The following RBBP6 variants were observed in gnomAD, a reference collection of about 807,000 sequenced individuals.
RBBP6 encodes the protein E3 ubiquitin-protein ligase RBBP6.
RBBP6 carries 25 observed loss-of-function variants against 167.7 expected under a neutral mutation model. The ratio of observed to expected loss-of-function variants is 0.15; its 90% CI spans 0.11 to 0.21. The LOEUF is 0.21. Ranked by LOEUF, RBBP6 falls within the 10% of genes least tolerant of loss-of-function variation. The pLI, the probability that RBBP6 is intolerant of heterozygous loss-of-function variation, is 1.00. For synonymous variants in RBBP6, 789 were observed against 735.8 expected (o/e 1.07, Z -1.17); for missense variants, 1,868 against 2,134.2 (o/e 0.88, Z 2.46).
chr16:24,560,903 C>T (rs998594994), intron 8 of RBBP6, among the ~76,000 whole-genome samples: 4 of 152,078 alleles, frequency 2.6e-5, no homozygotes, highest in African/African-American at 9.7e-5. Context: ...CCTTTGGATA[C>T]CTGTAAATCT....
rs1567282520 is a variant in RBBP6 at position 24,571,919 on chromosome 16, T to C, written c.4853T>C (p.Leu1618Ser). Residue 1618 changes from leucine (L) to serine (S), a missense_variant, in exon 18 of 18, where the codon TTA becomes TCA. Physicochemically the swap from Leu to Ser is moderately radical, Grantham distance 145. This residue lies in a region of RBBP6 where 591 missense variants were observed against 540.5 expected (regional missense o/e 1.09). Transcript: ENST00000319715. ...AGTACTGTCAAGCCTAAACCCCAGT[T>C]AAGTCATTCCTCTAGACTTTCCTCT... ...DKSTVKPKPQ[L>S]SHSSRLSSDL... The C allele has an allele frequency of 6.2e-7, 1 of 1,614,120 alleles. No individual in the cohort carries two copies. Among genetic ancestry groups the C allele is most frequent in the East Asian group, 2.2e-5 (1 of 44,872 alleles).
Position 24,563,259 on chromosome 16 carries a change from C to G in RBBP6, c.1350C>G (p.Thr450=). The part of the protein sequence containing the change: ...AALASEHSKG[T]SSIAITALME... ...TTGCATCAGAGCACTCAAAGGGAAC[C>G]TCCTCAATTGCAATTACCGCTCTTA... Residue 450 remains threonine, a synonymous_variant, in exon 11 of 18, where the codon ACC becomes ACG. Coordinates refer to ENST00000319715, the MANE Select transcript of RBBP6 (RefSeq NM_006910.5). 1 of 1,611,456 alleles carries G rather than the reference C, an allele frequency of 6.2e-7. No individual in the cohort carries two copies. Among genetic ancestry groups the G allele is most frequent in the Non-Finnish European group, 8.5e-7 (1 of 1,178,798 alleles).
rs139527300 is a variant in RBBP6, at chr16:24,568,977, T to C, written c.2287T>C (p.Tyr763His). 2.0e-4 allele frequency: 318 copies of C among 1,614,006 alleles called. 1 individual carries two copies. The highest frequency in any genetic ancestry group is 2.6e-4 in the Non-Finnish European group (302 of 1,179,970). ...TCGATCTAGGTCAAGGTCACCCCCT[T>C]ACAGACGCTATCATTCACGATCAAG... ...YHRSRSRSPP[Y>H]RRYHSRSRSP... is the part of the protein sequence containing the mutation. The change falls in exon 17 of 18, where the codon TAC (tyrosine) becomes CAC (histidine). Residue 763 changes from tyrosine (Y) to histidine (H), a missense_variant. Physicochemically the swap from Tyr to His is moderately conservative, Grantham distance 83. This residue lies in a region of RBBP6 where 673 missense variants were observed against 691.5 expected (regional missense o/e 0.97). Transcript: ENST00000319715.
chr16:24,570,769 A>G (rs1365951083), intron 17 of RBBP6, 107 bp from the exon 18 acceptor site: 2 of 1,020,258 alleles, frequency 2.0e-6, no homozygotes, highest in African/African-American at 1.7e-5. Flanking sequence ...GTTTTTTTTA[A>G]TGTTAAAAGG....
Position 24,539,868 on chromosome 16 carries a change from G to C in RBBP6, c.-759G>C, listed in dbSNP as rs1397265570. The C allele has an allele frequency of 6.5e-6, 1 of 152,790 alleles. No homozygotes were observed. The highest frequency in any genetic ancestry group is 1.5e-5 in the Non-Finnish European group (1 of 68,026). 9.5% of individuals were successfully genotyped at this position (152,790 alleles called of 1,614,324 possible). The stretch of plus-strand genomic sequence containing the variant: ...CGCCGGCTGGGGCCCGGGGTGGTGA[G>C]GAAGTGCTCCGAGGCCTCGCCGAGG... On this transcript the variant is annotated 5_prime_UTR_variant, in exon 1 of 18. Coordinates refer to ENST00000319715, the MANE Select transcript of RBBP6 (RefSeq NM_006910.5).
chr16:24,561,481 G>C, intron 8 of RBBP6, 131 bp from the exon 9 acceptor site: 3 of 745,340 alleles, frequency 4.0e-6, no homozygotes, highest in Non-Finnish European at 4.4e-6. Flanking sequence ...CTTAATCTAA[G>C]AAATGATTAG....
At position 24,572,460 on chromosome 16, in the gene RBBP6, TA is replaced by T. The variant is rs756966108; in HGVS notation, c.*18del. The stretch of plus-strand genomic sequence containing the variant: ...TCACTGTGTAAAAAGACAGATTTTT[TA>T]AATTGACTTAATTACTAAGTCATCT... On this transcript the variant is annotated 3_prime_UTR_variant, in exon 18 of 18. Coordinates refer to ENST00000319715, the MANE Select transcript of RBBP6 (RefSeq NM_006910.5). 1.3e-6 allele frequency: 2 copies of T among 1,508,930 alleles called. 1 individual carries two copies. The highest frequency in any genetic ancestry group is 2.8e-5 in the African/African-American group (2 of 70,500). The allele number at this position is 1,508,930 out of a possible 1,614,324, so 93.5% of individuals were successfully genotyped here.
chr16:24,569,272 C>G lies in RBBP6; in HGVS notation c.2582C>G (p.Ser861Cys), dbSNP rs1899267288. Reference protein sequence around the residue: ...PRPSANRENFSPERFLPLNIR... With the variant: ...PRPSANRENFCPERFLPLNIR... ...CCCTCAGCAAATAGAGAGAACTTTT[C>G]TCCAGAGAGATTTTTGCCACTTAAC... The change falls in exon 17 of 18, where the codon TCT becomes TGT. Residue 861 changes from serine to cysteine, a missense_variant. This residue lies in a region of RBBP6 where 673 missense variants were observed against 691.5 expected (regional missense o/e 0.97). Coordinates refer to ENST00000319715, the MANE Select transcript of RBBP6 (RefSeq NM_006910.5). 1 of 1,612,188 alleles carries G rather than the reference C, an allele frequency of 6.2e-7. No individual in the cohort carries two copies. The highest frequency in any genetic ancestry group is 8.5e-7 in the Non-Finnish European group (1 of 1,179,632).
chr16:24,542,150 C>A (rs1488304559), intron 1 of RBBP6, among the ~76,000 whole-genome samples: 1 of 152,122 alleles, frequency 6.6e-6, no homozygotes, highest in Non-Finnish European at 1.5e-5. Flanking sequence ...AATCCTCTGC[C>A]TAAGGAGAGG....
chr16:24,556,994 C>T (rs1898926002), intron 7 of RBBP6, among the ~76,000 whole-genome samples: 1 of 121,794 alleles, frequency 8.2e-6, no homozygotes, highest in Non-Finnish European at 1.7e-5. Flanking sequence ...CACCTTAATG[C>T]CTTTTTTTTT....
intron 6 of RBBP6, 91 bp from the exon 7 acceptor site, chr16:24,556,217 T>C: frequency 9.6e-7 from 1 of 1,040,578 alleles, no homozygotes; most frequent in Non-Finnish European, 1.4e-6. Context: ...CTACAAGTAA[T>C]ATAGTAAGCA....
rs1377589782 is a variant in RBBP6 at position 24,563,656 on chromosome 16, C to T, written c.1512C>T (p.Gly504=). Residue 504 remains glycine (G), a synonymous_variant, in exon 13 of 18, where the codon GGC becomes GGT. Coordinates refer to ENST00000319715, the MANE Select transcript of RBBP6 (RefSeq NM_006910.5). ...NTARPGGGRP[G]WEHSNKLGYL... is the part of the protein sequence containing the mutation. ...CTCGTCCAGGTGGTGGTCGACCAGG[C>T]TGGGAACAGTGAGTAGATGTTTACA... 3 of 1,610,904 alleles carry T rather than the reference C, an allele frequency of 1.9e-6. No homozygotes were observed. In the Admixed American group the frequency reaches 5.0e-5, roughly 27 times the overall value.
chr16:24,555,941 G>A (rs750000830), intron 6 of RBBP6, 24 bp downstream of exon 6: 1 of 1,522,164 alleles, frequency 6.6e-7, no homozygotes, highest in African/African-American at 1.4e-5. Flanking sequence ...AGAAACTATG[G>A]TATATCTTAC....
intron 13 of RBBP6, among the ~76,000 whole-genome samples, 173 bp downstream of exon 13, chr16:24,563,837 A>G (rs1488578821): frequency 1.3e-5 from 2 of 151,620 alleles, no homozygotes; most frequent in Non-Finnish European, 2.9e-5. Context: ...GTCAAAATTC[A>G]AGCTTATATG....
At position 24,571,908 on chromosome 16, in the gene RBBP6, T is replaced by G. The variant is rs1596516358; in HGVS notation, c.4842T>G (p.Pro1614=). 2 of 1,614,124 alleles carry G rather than the reference T, an allele frequency of 1.2e-6. No individual in the cohort carries two copies. The highest frequency in any genetic ancestry group is 2.2e-5 in the South Asian group (2 of 91,062). Residue 1614 remains proline, a synonymous_variant, in exon 18 of 18, where the codon CCT becomes CCG. Coordinates refer to ENST00000319715, the MANE Select transcript of RBBP6 (RefSeq NM_006910.5). ...TGQIDKSTVK[P]KPQLSHSSRL... ...AAATTGACAAGAGTACTGTCAAGCC[T>G]AAACCCCAGTTAAGTCATTCCTCTA...
At chr16:24,562,397 C>G (rs1899085405) in intron 10 of RBBP6, among the ~76,000 whole-genome samples, 1 of 152,152 alleles carries the variant, frequency 6.6e-6, no homozygotes, top group African/African-American at 2.4e-5. Context: ...CAACCAGCCC[C>G]TATTAAACGT....
rs918139297 is a variant in RBBP6 at position 24,557,100 on chromosome 16, A to G, written c.674+653A>G. Among the ~76,000 whole-genome samples, 23 of 147,470 alleles carry G rather than the reference A, an allele frequency of 1.6e-4. No individual in the cohort carries two copies. In the East Asian group the frequency reaches 3.6e-3, roughly 23 times the overall value. On this transcript the variant is annotated intron_variant, in intron 7 of 17. Coordinates refer to ENST00000319715, the MANE Select transcript of RBBP6 (RefSeq NM_006910.5). ...TGCAAGCTCCACCTCCCAGGTTCACACCATTTTCCTGCCTCAGCCTCCTGA... is the reference window on the plus strand; with the variant it reads ...TGCAAGCTCCACCTCCCAGGTTCACGCCATTTTCCTGCCTCAGCCTCCTGA...
intron 16 of RBBP6, 94 bp downstream of exon 16, chr16:24,567,987 A>G (rs1234700717): frequency 1.3e-5 from 13 of 1,034,562 alleles, no homozygotes; most frequent in Admixed American, 4.9e-5. Flanking sequence ...GCACTTAGGA[A>G]TTTTTCTGAT....
In RBBP6 at chr16:24,567,420, G is replaced by A. The variant is rs1375966442; in HGVS notation, c.1867G>A (p.Ala623Thr). 1.9e-6 allele frequency: 3 copies of A among 1,614,190 alleles called. No homozygotes were observed. Among genetic ancestry groups the A allele is most frequent in the Non-Finnish European group, 2.5e-6 (3 of 1,180,022 alleles). Residue 623 changes from alanine (A) to threonine (T), a missense_variant, in exon 15 of 18, where the codon GCT becomes ACT. Around this residue, in one of 7 missense-constraint regions of RBBP6, gnomAD observed 145 missense variants for 224.3 expected, o/e 0.65. Transcript: ENST00000319715. Reference sequence around the variant, plus strand: ...TTGGGTATCATCAGGAGTGCAGACAGCTCATTCAAATACCATCCCAACAAC... The same window carrying A: ...TTGGGTATCATCAGGAGTGCAGACAACTCATTCAAATACCATCCCAACAAC... ...TPWVSSGVQT[A>T]HSNTIPTTQA...
Sources: allele counts gnomAD v4.1 joint callset (sites outside exome capture counted in the v4.1 genomes callset), GRCh38; gene constraint gnomAD v4.1.1; regional missense constraint gnomAD v4.1.1; transcripts MANE v1.5; gene names NCBI Gene and HGNC (gene_info 2026-07-23, HGNC 2026-07-21).